Variants in DDX6 observed in about 807,000 individuals in gnomAD.
DDX6 encodes the protein probable ATP-dependent RNA helicase DDX6.
A neutral mutation model predicts 60.6 loss-of-function variants in DDX6; 7 were observed. That is an observed-to-expected ratio of 0.12 (90% CI 0.07 to 0.22). DDX6 has a LOEUF of 0.22. DDX6 is among the 10% of genes least tolerant of loss of function. The pLI is 1.00. For missense variants in DDX6, 270 were observed against 589.9 expected (o/e 0.46, Z 5.62); for synonymous variants, 207 against 201.0 (o/e 1.03, Z -0.25).
intron 5 of DDX6, among the ~76,000 whole-genome samples, chr11:118,767,168 G>A (rs747050805): frequency 9.2e-5 from 14 of 151,826 alleles, no homozygotes; most frequent in African/African-American, 1.5e-4. Context: ...GATTACAGGC[G>A]TGAGCCACCA....
At chr11:118,773,073 T>A (rs1432452618) in intron 4 of DDX6, among the ~76,000 whole-genome samples, 1 of 152,208 alleles carries the variant, frequency 6.6e-6, no homozygotes. Flanking sequence ...ATTTTTCCAA[T>A]AAATTTCCTT....
At chr11:118,779,811 CTG>C in intron 3 of DDX6, 75 bp from the exon 4 acceptor site, 1 of 1,175,242 alleles carries the variant, frequency 8.5e-7, no homozygotes, top group Non-Finnish European at 1.2e-6. Flanking sequence ...GTAAATTTAT[CTG>C]TGTTTAAGAA....
intron 7 of DDX6, among the ~76,000 whole-genome samples, chr11:118,762,614 CATATAGCAT>C (rs1861213986): frequency 6.6e-6 from 1 of 152,080 alleles, no homozygotes; most frequent in African/African-American, 2.4e-5. Flanking sequence ...ATGGGAGTAT[CATATAGCAT>C]ATTACTAACC....
intron 2 of DDX6, among the ~76,000 whole-genome samples, chr11:118,784,204 A>G (rs573563290): frequency 2.2e-4 from 34 of 152,290 alleles, no homozygotes; most frequent in Non-Finnish European, 3.4e-4. Flanking sequence ...TACCAATTAA[A>G]GCATTCACCT....
chr11:118,768,394 T>C, intron 4 of DDX6, 42 bp from the exon 5 acceptor site: 3 of 1,603,568 alleles, frequency 1.9e-6, no homozygotes, highest in Non-Finnish European at 2.6e-6. Context: ...CTGAATGTAG[T>C]ACACAAGCAA....
In DDX6 at chr11:118,769,798, G is replaced by A. The variant is rs541865526; in HGVS notation, c.370-1446C>T. On this transcript the variant is annotated intron_variant, in intron 4 of 13. Coordinates refer to ENST00000534980, the MANE Select transcript of DDX6 (RefSeq NM_004397.6). ...CGGCTCACTGCAAGCTCTGGCTCCC[G>A]GGTTCACGCCATTCTCCTGCCTCAG... Among the ~76,000 whole-genome samples, 22 of 152,130 alleles carry A rather than the reference G, an allele frequency of 1.4e-4. 1 individual carries two copies. Among genetic ancestry groups the A allele is most frequent in the South Asian group, 1.2e-3 (6 of 4,824 alleles).
intron 4 of DDX6, among the ~76,000 whole-genome samples, chr11:118,778,317 G>A (rs1355018677): frequency 9.9e-5 from 15 of 152,174 alleles, no homozygotes; most frequent in African/African-American, 3.6e-4. Flanking sequence ...TGAGCTACAA[G>A]TATCTTTGGC....
At chr11:118,778,341 T>C (rs1861774342) in intron 4 of DDX6, among the ~76,000 whole-genome samples, 1 of 152,214 alleles carries the variant, frequency 6.6e-6, no homozygotes, top group Non-Finnish European at 1.5e-5. Context: ...GTCAAGTTTC[T>C]CAAGCTCAGC....
chr11:118,755,617 ATGCATT>A, intron 11 of DDX6, 114 bp from the exon 12 acceptor site: 1 of 632,882 alleles, frequency 1.6e-6, no homozygotes, highest in Middle Eastern at 2.5e-4. Flanking sequence ...AGTTATTCAA[ATGCATT>A]TGCACATTAC....
intron 9 of DDX6, among the ~76,000 whole-genome samples, chr11:118,758,199 T>C (rs1555159399): frequency 6.6e-6 from 1 of 152,148 alleles, no homozygotes; most frequent in African/African-American, 2.4e-5. Context: ...TTCTAGTGAC[T>C]AAGCAAATTC....
At chr11:118,767,685 T>G (rs1200554079) in intron 5 of DDX6, 1 of 128,628 alleles carries the variant, frequency 7.8e-6, no homozygotes, top group East Asian at 2.4e-4. Context: ...CAGGCTGGAG[T>G]GCAGTGGCAC....
Position 118,751,966 on chromosome 11 carries a change from A to C in DDX6, c.*139T>G. The C allele has an allele frequency of 5.0e-6, 2 of 397,208 alleles. No homozygotes were observed. Among genetic ancestry groups the C allele is most frequent in the Non-Finnish European group, 9.8e-6 (2 of 204,364 alleles). The allele number at this position is 397,208 out of a possible 1,614,324, so 24.6% of individuals were successfully genotyped here. A position where few individuals can be genotyped will look rare whatever the true frequency, so the allele number is the denominator to read the frequency against. Reference sequence around the variant, plus strand: ...GCCTTTTTCTCTTCACCAGTTAAAAAAAGAAAATGTCTGAGCTCTTTTAAG... The same window carrying C: ...GCCTTTTTCTCTTCACCAGTTAAAACAAGAAAATGTCTGAGCTCTTTTAAG... On this transcript the variant is annotated 3_prime_UTR_variant, in exon 14 of 14. Transcript: ENST00000534980.
chr11:118,768,096 A>C, intron 5 of DDX6, 127 bp downstream of exon 5: 1 of 950,836 alleles, frequency 1.1e-6, no homozygotes, highest in Non-Finnish European at 1.5e-6. Context: ...AAAAGAAAAA[A>C]CCTGAAAAGA....
intron 2 of DDX6, among the ~76,000 whole-genome samples, chr11:118,781,422 TAC>T (rs1431566318): frequency 2.6e-5 from 4 of 152,240 alleles, no homozygotes; most frequent in African/African-American, 9.6e-5. Flanking sequence ...CAATATTGTA[TAC>T]AGTGTAACTG....
chr11:118,755,921 G>A (rs374368074), intron 11 of DDX6, among the ~76,000 whole-genome samples: 4 of 151,802 alleles, frequency 2.6e-5, no homozygotes, highest in East Asian at 3.9e-4. Flanking sequence ...GGGAGGCTGA[G>A]GCAGGAGAAT....
In DDX6 at chr11:118,748,634, G is replaced by A. The variant is rs902162899; in HGVS notation, c.*3471C>T. On this transcript the variant is annotated 3_prime_UTR_variant, in exon 14 of 14. Transcript: ENST00000534980. The stretch of plus-strand genomic sequence containing the variant: ...TTTTGTTACTCATCTAGAAGGTCAG[G>A]AGTGTGGCTAAAGGCAGTTTCTGAT... The A allele has an allele frequency of 6.6e-6, 1 of 152,028 alleles. No individual in the cohort carries two copies. Among genetic ancestry groups the A allele is most frequent in the African/African-American group, 2.4e-5 (1 of 41,372 alleles). The allele number at this position is 152,028 out of a possible 1,614,324, so 9.4% of individuals were successfully genotyped here.
chr11:118,771,636 A>T (rs1718813702), intron 4 of DDX6, among the ~76,000 whole-genome samples: 2 of 152,364 alleles, frequency 1.3e-5, no homozygotes, highest in East Asian at 3.9e-4. Context: ...GAGGAAGGAA[A>T]CGAAAACTTT....
chr11:118,771,039 A>G (rs782080643), intron 4 of DDX6, among the ~76,000 whole-genome samples: 8 of 152,220 alleles, frequency 5.3e-5, no homozygotes, highest in Non-Finnish European at 1.0e-4. Flanking sequence ...ATCACAGATA[A>G]GTGAACCATT....
chr11:118,755,559 A>C, intron 11 of DDX6, 56 bp from the exon 12 acceptor site: 1 of 943,456 alleles, frequency 1.1e-6, no homozygotes, highest in Non-Finnish European at 1.7e-6. Flanking sequence ...CTCTCAGTAC[A>C]ATACTAACAC....
Sources: gnomAD v4.1 joint callset for allele counts (sites outside exome capture counted in the v4.1 genomes callset) on GRCh38, gnomAD v4.1.1 for gene constraint, MANE v1.5 for transcripts, NCBI Gene and HGNC (gene_info 2026-07-23, HGNC 2026-07-21) for gene names.